RAB3GAP2: variants seen among roughly 807,000 people sequenced by gnomAD.
The protein encoded by RAB3GAP2 is RAB3 GTPase activating non-catalytic protein subunit 2, also known as rab3 GTPase-activating protein non-catalytic subunit.
Under a neutral mutation model 185.3 loss-of-function variants are expected in RAB3GAP2, and 87 were observed. The observed-to-expected ratio is 0.47, with a 90% CI of 0.39 to 0.56. The LOEUF is 0.56. RAB3GAP2 is among the 20% of genes least tolerant of loss of function. The probability of loss-of-function intolerance (pLI) is 0.00; values close to 1 mark genes in which losing one functional copy is unlikely to be tolerated. For synonymous variants in RAB3GAP2, 554 were observed against 576.1 expected (o/e 0.96, Z 0.55); for missense variants, 1,492 against 1,638.2 (o/e 0.91, Z 1.54).
intron 19 of RAB3GAP2, 101 bp from the exon 20 acceptor site, chr1:220,183,032 A>G: frequency 2.3e-6 from 2 of 867,958 alleles, no homozygotes; most frequent in Non-Finnish European, 3.7e-6. Context: ...TTTTTAATTA[A>G]TATAATACCT....
chr1:220,254,257 G>A, intron 1 of RAB3GAP2: 3 of 1,613,490 alleles, frequency 1.9e-6, no homozygotes, highest in Non-Finnish European at 2.5e-6. Flanking sequence ...CGTAATGTTG[G>A]GTACCCAGCT....
intron 1 of RAB3GAP2, chr1:220,266,794 G>A: frequency 6.3e-7 from 1 of 1,594,212 alleles, no homozygotes. Context: ...GTACTTCTCT[G>A]AGCATTGGCC....
At chr1:220,270,741 T>G (rs983805219) in intron 1 of RAB3GAP2, among the ~76,000 whole-genome samples, 51 of 152,324 alleles carry the variant, frequency 3.3e-4, no homozygotes, top group African/African-American at 1.1e-3. Flanking sequence ...CAATCTCTCC[T>G]CCACTTTGCT....
chr1:220,254,162 C>A, intron 1 of RAB3GAP2: 1 of 1,613,560 alleles, frequency 6.2e-7, no homozygotes, highest in African/African-American at 1.3e-5. Flanking sequence ...GAGGATTATG[C>A]AAATTACAAG....
chr1:220,200,206 C>T (rs1249058180), intron 9 of RAB3GAP2, among the ~76,000 whole-genome samples: 1 of 152,162 alleles, frequency 6.6e-6, no homozygotes, highest in Non-Finnish European at 1.5e-5. Context: ...AATGCTCTTC[C>T]TACACCTCTT....
At chr1:220,194,982 G>C (rs1175624651) in intron 12 of RAB3GAP2, 96 bp downstream of exon 12, 1 of 1,245,328 alleles carries the variant, frequency 8.0e-7, no homozygotes. Context: ...AAGTTCCAAA[G>C]ACAAGATCAG....
In RAB3GAP2 at chr1:220,189,907, T is replaced by C. The variant is rs965331447; in HGVS notation, c.1715-140A>G. On this transcript the variant is annotated intron_variant, in intron 16 of 34. Coordinates refer to ENST00000358951, the MANE Select transcript of RAB3GAP2 (RefSeq NM_012414.4). The stretch of plus-strand genomic sequence containing the variant: ...CTCTCACATTAATGTTTTCTTGTTA[T>C]GAATTATAACACCCTCTAGATGGCA... 67 of 1,057,920 alleles carry C rather than the reference T, an allele frequency of 6.3e-5. 1 individual carries two copies. In the South Asian group the frequency reaches 9.2e-4, roughly 14 times the overall value. 65.5% of individuals were successfully genotyped at this position (1,057,920 alleles called of 1,614,324 possible). A position where few individuals can be genotyped will look rare whatever the true frequency, so the allele number is the denominator to read the frequency against.
At chr1:220,235,582 G>T (rs1292193476) in intron 1 of RAB3GAP2, among the ~76,000 whole-genome samples, 2 of 152,118 alleles carry the variant, frequency 1.3e-5, no homozygotes, top group African/African-American at 4.8e-5. Flanking sequence ...TATGTTCTGG[G>T]AACTGTGCTA....
chr1:220,266,846 C>T (rs1660234588), intron 1 of RAB3GAP2: 11 of 1,597,056 alleles, frequency 6.9e-6, no homozygotes, highest in Non-Finnish European at 6.9e-6. Context: ...AATGAGGTCC[C>T]TGGCTCCCTC....
intron 21 of RAB3GAP2, among the ~76,000 whole-genome samples, chr1:220,180,099 T>C (rs1658373125): frequency 6.6e-6 from 1 of 152,062 alleles, no homozygotes; most frequent in Non-Finnish European, 1.5e-5. Flanking sequence ...GAGGCGGAAG[T>C]TGCAGTGAGC....
intron 7 of RAB3GAP2, 107 bp downstream of exon 7, chr1:220,210,281 T>A: frequency 1.2e-6 from 1 of 840,414 alleles, no homozygotes; most frequent in East Asian, 2.4e-5. Flanking sequence ...GCTAACTAAC[T>A]GTGCCACAAG....
chr1:220,193,413 A>C, intron 12 of RAB3GAP2, 34 bp from the exon 13 acceptor site: 1 of 1,602,682 alleles, frequency 6.2e-7, no homozygotes, highest in Non-Finnish European at 8.5e-7. Context: ...TGCTCAAATC[A>C]CATTCCAGTT....
chr1:220,159,043 T>A (rs1170477066), intron 29 of RAB3GAP2, among the ~76,000 whole-genome samples: 1 of 152,214 alleles, frequency 6.6e-6, no homozygotes, highest in African/African-American at 2.4e-5. Context: ...ATTAACTACT[T>A]CATTTGAACC....
intron 1 of RAB3GAP2, among the ~76,000 whole-genome samples, chr1:220,268,830 G>A (rs1392667567): frequency 6.6e-6 from 1 of 152,140 alleles, no homozygotes; most frequent in African/African-American, 2.4e-5. Context: ...ATGTAACTTG[G>A]ACAAGTATTC....
In RAB3GAP2 at chr1:220,252,152, GA is replaced by G. The variant is rs58516168; in HGVS notation, c.116-19290del. On this transcript the variant is annotated intron_variant, in intron 1 of 34. Coordinates refer to ENST00000358951, the MANE Select transcript of RAB3GAP2 (RefSeq NM_012414.4). ...AGGCTGAGACCCTCTCTCAAAAAAA[GA>G]AAAAAAAAAAAAAAAAAGAGAAAAT... Among the ~76,000 whole-genome samples the G allele has an allele frequency of 5.3e-3, 507 of 96,050 alleles. 6 individuals carry two copies. The East Asian group carries it at 0.057, about 11-fold the overall frequency. The allele number at this position is 96,050 out of a possible 152,430, so 63.0% of individuals were successfully genotyped here.
intron 1 of RAB3GAP2, among the ~76,000 whole-genome samples, chr1:220,251,801 A>G (rs539898693): frequency 2.0e-5 from 3 of 152,340 alleles, no homozygotes; most frequent in African/African-American, 7.2e-5. Context: ...TTCACTGATC[A>G]GGCAATTATT....
At chr1:220,223,830 G>A (rs1026222461) in intron 2 of RAB3GAP2, among the ~76,000 whole-genome samples, 14 of 151,320 alleles carry the variant, frequency 9.3e-5, no homozygotes, top group African/African-American at 3.2e-4. Context: ...TAGCCCTTTA[G>A]AAGCACCATG....
chr1:220,195,938 A>C (rs141132834), intron 10 of RAB3GAP2, among the ~76,000 whole-genome samples: 28 of 152,258 alleles, frequency 1.8e-4, no homozygotes, highest in African/African-American at 6.5e-4. Context: ...CATTTACTCA[A>C]ATCCCTAGTG....
chr1:220,175,582 T>C (rs1294404336), intron 21 of RAB3GAP2, among the ~76,000 whole-genome samples: 2 of 152,204 alleles, frequency 1.3e-5, no homozygotes, highest in Admixed American at 1.3e-4. Flanking sequence ...CATTTCCCCA[T>C]CAACAACAAA....
Sources: allele counts gnomAD v4.1 joint callset (sites outside exome capture counted in the v4.1 genomes callset), GRCh38; gene constraint gnomAD v4.1.1; transcripts MANE v1.5; gene names NCBI Gene and HGNC (gene_info 2026-07-23, HGNC 2026-07-21).